SPTLC3: variants seen among roughly 807,000 people sequenced by gnomAD.
The protein encoded by SPTLC3 is serine palmitoyltransferase long chain base subunit 3.
SPTLC3 carries 36 observed loss-of-function variants against 59.3 expected under a neutral mutation model. The observed-to-expected ratio is 0.61, with a 90% CI of 0.47 to 0.80. The LOEUF is 0.80. SPTLC3 is among the 30% of genes least tolerant of loss of function. The pLI, the probability that SPTLC3 is intolerant of heterozygous loss-of-function variation, is 0.00. For missense variants in SPTLC3, 625 were observed against 685.1 expected, an observed-to-expected ratio of 0.91 and a Z score of 0.98; for synonymous variants, 257 against 240.8, an observed-to-expected ratio of 1.07 and a Z score of -0.62.
rs559367006 is a variant in SPTLC3, at chr20:13,160,049, G to A, written c.1462G>A (p.Val488Met). ...MLEKKIGVVV[V>M]GFPATPLAEA... is the part of the protein sequence containing the mutation. ...AGAGAAAAAAATTGGAGTGGTGGTC[G>A]TGGGATTTCCAGCCACTCCCCTCGC... Residue 488 changes from valine to methionine, a missense_variant, in exon 11 of 12, where the codon GTG becomes ATG. Transcript: ENST00000399002. The A allele has an allele frequency of 9.3e-6, 15 of 1,613,254 alleles. No individual in the cohort carries two copies. The highest frequency in any genetic ancestry group is 1.6e-4 in the Middle Eastern group (1 of 6,078).
chr20:13,165,038 G>A lies in SPTLC3; in HGVS notation c.*171G>A. ...GTTTTTAATGTCTCCAGCTTGGACTGCAGAGACAAAAACATGATTCCAGAT... is the reference window on the plus strand; with the variant it reads ...GTTTTTAATGTCTCCAGCTTGGACTACAGAGACAAAAACATGATTCCAGAT... On this transcript the variant is annotated 3_prime_UTR_variant, in exon 12 of 12. Coordinates refer to ENST00000399002, the MANE Select transcript of SPTLC3 (RefSeq NM_018327.4). The A allele has an allele frequency of 1.8e-6, 1 of 554,380 alleles. No individual in the cohort carries two copies. Among genetic ancestry groups the A allele is most frequent in the South Asian group, 2.3e-5 (1 of 43,134 alleles). 34.3% of individuals were successfully genotyped at this position (554,380 alleles called of 1,614,324 possible).
At chr20:13,117,198 T>C (rs1454779324) in intron 7 of SPTLC3, among the ~76,000 whole-genome samples, 2 of 152,238 alleles carry the variant, frequency 1.3e-5, no homozygotes, top group Non-Finnish European at 2.9e-5. Context: ...ATGGTCAGTC[T>C]AGTTACACCA....
At chr20:13,127,849 G>A (rs1394043120) in intron 9 of SPTLC3, among the ~76,000 whole-genome samples, 1 of 152,170 alleles carries the variant, frequency 6.6e-6, no homozygotes, top group Non-Finnish European at 1.5e-5. Flanking sequence ...TGCCTTTTCG[G>A]TGTTATGACT....
chr20:13,083,815 C>T lies in SPTLC3; in HGVS notation c.608-7268C>T, dbSNP rs150897703. 4.0e-4 allele frequency among the ~76,000 whole-genome samples: 61 copies of T among 152,314 alleles called. No homozygotes were observed. The East Asian group carries it at 0.011, about 28-fold the overall frequency. On this transcript the variant is annotated intron_variant, in intron 4 of 11. Transcript: ENST00000399002. ...TATTATGCAGCTCCCAACATCAGGG[C>T]TGTCTCCTGGTCCTTGGTCCCACAA...
chr20:13,067,748 C>T (rs1188565751), intron 2 of SPTLC3, among the ~76,000 whole-genome samples: 2 of 152,064 alleles, frequency 1.3e-5, no homozygotes, highest in Non-Finnish European at 2.9e-5. Flanking sequence ...CCCTTATCAA[C>T]CAAAAGGAAA....
intron 2 of SPTLC3, among the ~76,000 whole-genome samples, chr20:13,061,849 A>T (rs1418884132): frequency 6.6e-6 from 1 of 152,166 alleles, no homozygotes; most frequent in African/African-American, 2.4e-5. Flanking sequence ...ACTAACAAGC[A>T]ATGTGATGTT....
At chr20:13,014,879 CT>C (rs1012527288) in intron 1 of SPTLC3, among the ~76,000 whole-genome samples, 18 of 152,018 alleles carry the variant, frequency 1.2e-4, no homozygotes, top group Admixed American at 1.1e-3. Flanking sequence ...CACACATGGG[CT>C]GAGCACACTC....
intron 11 of SPTLC3, among the ~76,000 whole-genome samples, chr20:13,162,596 T>TGCGACC (rs2038915319): frequency 6.6e-6 from 1 of 152,214 alleles, no homozygotes; most frequent in Non-Finnish European, 1.5e-5. Context: ...AAATGCACTC[T>TGCGACC]GCGACCACAT....
intron 1 of SPTLC3, among the ~76,000 whole-genome samples, chr20:13,019,445 CAGAG>C (rs1478598988): frequency 6.6e-6 from 1 of 152,100 alleles, no homozygotes; most frequent in Admixed American, 6.6e-5. Context: ...AAAAATGGCT[CAGAG>C]AATTTGGCTC....
At chr20:13,129,399 A>C (rs1318350474) in intron 9 of SPTLC3, among the ~76,000 whole-genome samples, 3 of 152,248 alleles carry the variant, frequency 2.0e-5, no homozygotes, top group Admixed American at 1.3e-4. Flanking sequence ...TTCTGGAACT[A>C]CTGGCTTCCC....
rs1247846995 is a variant in SPTLC3, at chr20:13,167,301, G to A, written c.*2434G>A. ...TAAAATTATTTGATTATTGAGTCTT[G>A]ATAATTATATCATCAACCATTACCC... On this transcript the variant is annotated 3_prime_UTR_variant, in exon 12 of 12. Transcript: ENST00000399002. 6.7e-6 allele frequency: 1 copy of A among 148,766 alleles called. No homozygotes were observed. Among genetic ancestry groups the A allele is most frequent in the African/African-American group, 2.5e-5 (1 of 40,582 alleles). The allele number at this position is 148,766 out of a possible 1,614,324, so 9.2% of individuals were successfully genotyped here.
At chr20:13,089,777 T>TCTGTC (rs1989146341) in intron 4 of SPTLC3, among the ~76,000 whole-genome samples, 2 of 141,142 alleles carry the variant, frequency 1.4e-5, no homozygotes. Context: ...CAGAGCGAGA[T>TCTGTC]TCTATCTCAA....
chr20:13,030,507 C>T lies in SPTLC3; in HGVS notation c.118-18438C>T, dbSNP rs550576468. On this transcript the variant is annotated intron_variant, in intron 1 of 11. Transcript: ENST00000399002. ...ATTTGTTTAAACTCATCAGTAGCTTCCCGTGTTAAGATCAAAGCTGCAATC... is the reference window on the plus strand; with the variant it reads ...ATTTGTTTAAACTCATCAGTAGCTTTCCGTGTTAAGATCAAAGCTGCAATC... Among the ~76,000 whole-genome samples the T allele has an allele frequency of 2.0e-5, 3 of 152,298 alleles. No homozygotes were observed. The East Asian group carries it at 5.8e-4, about 29-fold the overall frequency.
chr20:13,076,982 C>T (rs1988670724), intron 4 of SPTLC3, among the ~76,000 whole-genome samples: 1 of 152,006 alleles, frequency 6.6e-6, no homozygotes, highest in South Asian at 2.1e-4. Context: ...TACAGAAGTG[C>T]AAAGGCTATT....
chr20:13,079,629 CCT>C (rs777083530), intron 4 of SPTLC3: 4 of 308,322 alleles, frequency 1.3e-5, no homozygotes, highest in Non-Finnish European at 2.7e-5. Flanking sequence ...CAGGGAGGAC[CCT>C]GTTAGGAATG....
intron 9 of SPTLC3, among the ~76,000 whole-genome samples, chr20:13,143,175 CAAG>C (rs527902448): frequency 2.2e-4 from 34 of 152,104 alleles, no homozygotes; most frequent in Admixed American, 6.5e-4. Flanking sequence ...CCAAAAAGAC[CAAG>C]AAGGAGACCG....
chr20:13,091,416 TAA>T (rs967735567), intron 5 of SPTLC3, among the ~76,000 whole-genome samples: 6 of 151,772 alleles, frequency 4.0e-5, no homozygotes, highest in Middle Eastern at 3.4e-3. Context: ...CTACTAAAAA[TAA>T]AAAAGTTACC....
intron 2 of SPTLC3, among the ~76,000 whole-genome samples, chr20:13,053,316 G>A (rs907061732): frequency 6.6e-6 from 1 of 152,046 alleles, no homozygotes; most frequent in African/African-American, 2.4e-5. Context: ...ACTGTTAGAA[G>A]GAAAACTAAC....
At chr20:13,140,782 AAAGAT>A (rs1235742949) in intron 9 of SPTLC3, among the ~76,000 whole-genome samples, 2 of 152,240 alleles carry the variant, frequency 1.3e-5, no homozygotes, top group African/African-American at 4.8e-5. Flanking sequence ...TCTGCAGAGA[AAAGAT>A]AAAGGAAAAA....
Sources: allele counts gnomAD v4.1 joint callset (sites outside exome capture counted in the v4.1 genomes callset), GRCh38; gene constraint gnomAD v4.1.1; transcripts MANE v1.5; gene names NCBI Gene and HGNC (gene_info 2026-07-23, HGNC 2026-07-21).